ELAVL4: variants seen among roughly 807,000 people sequenced by gnomAD.
ELAVL4 encodes the protein ELAV-like protein 4.
ELAVL4 carries 1 observed loss-of-function variant against 35.6 expected under a neutral mutation model. The observed-to-expected ratio is 0.03, with a 90% confidence interval of 0.01 to 0.13. The LOEUF (loss-of-function observed/expected upper bound fraction) is 0.13, where lower values mean the gene tolerates loss of function less well. Among genes scored for constraint, ELAVL4 ranks in the 10% least tolerant of loss-of-function variants. The probability of loss-of-function intolerance (pLI) is 1.00; values close to 1 mark genes in which losing one functional copy is unlikely to be tolerated. For missense variants in ELAVL4, 267 were observed against 464.9 expected (o/e 0.57, Z 3.91); for synonymous variants, 156 against 171.0 (o/e 0.91, Z 0.69).
At chr1:50,156,336 A>C (rs561368561) in intron 2 of ELAVL4, among the ~76,000 whole-genome samples, 61 of 152,214 alleles carry the variant, frequency 4.0e-4, no homozygotes, top group Non-Finnish European at 8.1e-4. Context: ...TGTGAATTCA[A>C]ACCAGGTGAT....
At chr1:50,050,513 ATG>A (rs1480249923) in intron 1 of ELAVL4, among the ~76,000 whole-genome samples, 1 of 152,188 alleles carries the variant, frequency 6.6e-6, no homozygotes, top group Admixed American at 6.5e-5. Flanking sequence ...TAACATCCAG[ATG>A]TGTTAAGTAC....
intron 6 of ELAVL4, among the ~76,000 whole-genome samples, chr1:50,200,338 C>G (rs958183286): frequency 6.6e-6 from 1 of 152,076 alleles, no homozygotes; most frequent in Admixed American, 6.5e-5. Flanking sequence ...TTCCCAAGCA[C>G]TGGCCAAAGT....
intron 1 of ELAVL4, among the ~76,000 whole-genome samples, chr1:50,067,961 C>T (rs972944370): frequency 6.6e-6 from 1 of 152,100 alleles, no homozygotes; most frequent in African/African-American, 2.4e-5. Context: ...AGGTAACTGC[C>T]GCCATGATTC....
At chr1:50,054,083 A>G (rs978892123) in intron 1 of ELAVL4, among the ~76,000 whole-genome samples, 2 of 152,224 alleles carry the variant, frequency 1.3e-5, no homozygotes, top group East Asian at 3.8e-4. Context: ...AGCAAGGAGG[A>G]AAACTATTGT....
chr1:50,186,946 G>A (rs1025506283), intron 3 of ELAVL4, among the ~76,000 whole-genome samples: 1 of 152,232 alleles, frequency 6.6e-6, no homozygotes, highest in Non-Finnish European at 1.5e-5. Context: ...AGGCACAGAG[G>A]TAAACTGATC....
intron 1 of ELAVL4, among the ~76,000 whole-genome samples, chr1:50,092,543 CT>C (rs1169256900): frequency 6.6e-6 from 1 of 152,182 alleles, no homozygotes; most frequent in Non-Finnish European, 1.5e-5. Flanking sequence ...AATTCTCTGA[CT>C]TTAGGCAGTG....
intron 6 of ELAVL4, among the ~76,000 whole-genome samples, chr1:50,199,077 C>T (rs1216144210): frequency 1.7e-5 from 2 of 118,244 alleles, no homozygotes; most frequent in Non-Finnish European, 3.7e-5. Flanking sequence ...TGGATTTGCA[C>T]GTCTAAGGAT....
chr1:50,155,937 G>C (rs1675651387), intron 2 of ELAVL4, among the ~76,000 whole-genome samples: 1 of 152,148 alleles, frequency 6.6e-6, no homozygotes, highest in Non-Finnish European at 1.5e-5. Flanking sequence ...CTAAGTACGA[G>C]AGAGAGACAG....
chr1:50,119,611 A>C (rs9326010), intron 1 of ELAVL4, among the ~76,000 whole-genome samples: 39,505 of 151,880 alleles, frequency 0.26, 5,406 homozygotes, highest in East Asian at 0.34. Context: ...AGTAAGAACT[A>C]TTAAACAGGT....
intron 1 of ELAVL4, among the ~76,000 whole-genome samples, chr1:50,062,383 CCAT>C (rs1214953481): frequency 6.6e-6 from 1 of 152,104 alleles, no homozygotes; most frequent in Non-Finnish European, 1.5e-5. Flanking sequence ...TGTAGCCATG[CCAT>C]CATATTTATC....
chr1:50,173,845 A>G lies in ELAVL4; in HGVS notation c.251-3244A>G, dbSNP rs537823109. On this transcript the variant is annotated intron_variant, in intron 2 of 6. Coordinates refer to ENST00000371824, the MANE Select transcript of ELAVL4 (RefSeq NM_001144774.3). ...AGAAGATGTAGCCATTTGGAAAAAA[A>G]AAGAAAGAGTAATAAAAAGATATTA... 5.1e-4 allele frequency among the ~76,000 whole-genome samples: 77 copies of G among 152,346 alleles called. 1 individual carries two copies. Among genetic ancestry groups the G allele is most frequent in the African/African-American group, 1.7e-3 (72 of 41,572 alleles).
rs147687243 is a variant in ELAVL4 at position 50,148,873 on chromosome 1, T to G, written c.250+3676T>G. Among the ~76,000 whole-genome samples the G allele has an allele frequency of 1.1e-3, 170 of 152,298 alleles. 1 individual carries two copies. In the East Asian group the frequency reaches 0.026, roughly 24 times the overall value. On this transcript the variant is annotated intron_variant, in intron 2 of 6. Transcript: ENST00000371824. ...TGTTACCATTTTGGTTTTGGTTTTG[T>G]TTTGTAAACATTGAGATTGCCTTAC...
intron 2 of ELAVL4, among the ~76,000 whole-genome samples, chr1:50,164,726 G>A (rs1455216389): frequency 1.3e-5 from 2 of 152,128 alleles, no homozygotes; most frequent in South Asian, 2.1e-4. Flanking sequence ...ATCGGGTTCC[G>A]CTTACCAACT....
chr1:50,152,772 T>G (rs989853322), intron 2 of ELAVL4, among the ~76,000 whole-genome samples: 3 of 152,222 alleles, frequency 2.0e-5, no homozygotes, highest in African/African-American at 7.2e-5. Context: ...TTTCGTTTTT[T>G]CTACAGTCCC....
chr1:50,062,817 G>C (rs1664061932), intron 1 of ELAVL4, among the ~76,000 whole-genome samples: 2 of 152,128 alleles, frequency 1.3e-5, no homozygotes, highest in African/African-American at 4.8e-5. Context: ...ATGGACACAT[G>C]CTTTCTATCT....
chr1:50,092,765 G>A lies in ELAVL4; in HGVS notation c.18+44583G>A, dbSNP rs535109409. Among the ~76,000 whole-genome samples, 4 of 152,270 alleles carry A rather than the reference G, an allele frequency of 2.6e-5. No homozygotes were observed. The South Asian group carries it at 6.2e-4, about 24-fold the overall frequency. On this transcript the variant is annotated intron_variant, in intron 1 of 6. Coordinates refer to the ELAVL4 transcript ENST00000448907. ...ATATGAGCAGGATGTAGCACCATGA[G>A]AGGAAAAATATATGGACTTTAGTTC...
chr1:50,132,135 A>G (rs1325535903), intron 1 of ELAVL4, among the ~76,000 whole-genome samples: 1 of 152,068 alleles, frequency 6.6e-6, no homozygotes, highest in Non-Finnish European at 1.5e-5. Flanking sequence ...CTTCTTGTTC[A>G]TGATATTTTT....
chr1:50,057,665 G>A (rs142353010), intron 1 of ELAVL4, among the ~76,000 whole-genome samples: 26 of 152,330 alleles, frequency 1.7e-4, no homozygotes, highest in African/African-American at 5.3e-4. Flanking sequence ...CAAGTTTGTA[G>A]CGTGTGAACA....
intron 1 of ELAVL4, among the ~76,000 whole-genome samples, chr1:50,132,873 G>GT (rs1345609321): frequency 6.6e-6 from 1 of 152,156 alleles, no homozygotes; most frequent in East Asian, 1.9e-4. Context: ...GGAGAAAAGT[G>GT]TAACAATCAC....
Sources: gnomAD v4.1 joint callset for allele counts (sites outside exome capture counted in the v4.1 genomes callset) on GRCh38, gnomAD v4.1.1 for gene constraint, MANE v1.5 for transcripts, NCBI Gene and HGNC (gene_info 2026-07-23, HGNC 2026-07-21) for gene names.